The following SORCS1 variants were observed in gnomAD, a reference collection of about 807,000 sequenced individuals.
SORCS1 encodes sortilin related VPS10 domain containing receptor 1.
In SORCS1, 60 loss-of-function variants were observed where a neutral mutation model predicts 146.1. The ratio of observed to expected loss-of-function variants is 0.41; its 90% CI spans 0.33 to 0.51. The LOEUF is 0.51. Among genes scored for constraint, SORCS1 ranks in the 20% least tolerant of loss-of-function variants. The pLI is 0.21. For missense variants in SORCS1, 1,352 were observed against 1,487.6 expected (o/e 0.91, Z 1.50); for synonymous variants, 637 against 584.0 (o/e 1.09, Z -1.31).
chr10:106,819,337 T>A (rs1411515321), intron 3 of SORCS1, among the ~76,000 whole-genome samples: 1 of 152,206 alleles, frequency 6.6e-6, no homozygotes, highest in African/African-American at 2.4e-5. Context: ...TTATGTAGCT[T>A]AGCTGGAATT....
chr10:106,808,139 C>T (rs77862048), intron 3 of SORCS1, among the ~76,000 whole-genome samples: 1 of 152,354 alleles, frequency 6.6e-6, no homozygotes, highest in African/African-American at 2.4e-5. Context: ...CCTGCCTCGG[C>T]CTCCCGAGTA....
the SORCS1 span, among the ~76,000 whole-genome samples, chr10:107,176,575 AG>A: frequency 1.3e-5 from 2 of 152,064 alleles, no homozygotes; most frequent in African/African-American, 4.8e-5. Flanking sequence ...CCTGGTCTCA[AG>A]CGATCCTCCC....
rs765355110 is a variant in SORCS1 at position 106,944,874 on chromosome 10, C to CTTTTTTTTT, written c.626+11630_626+11638dup. On this transcript the variant is annotated intron_variant, in intron 2 of 25. Coordinates refer to ENST00000263054, the MANE Select transcript of SORCS1 (RefSeq NM_052918.5). ...GTAGAAAGAAGCAAGAAAGAGCCTTCTTTTTTTTTTTTTTTTTTTTTTTTT... is the reference window on the plus strand; with the variant it reads ...GTAGAAAGAAGCAAGAAAGAGCCTTCTTTTTTTTTTTTTTTTTTTTTTTTTTTTTTTTTT... Among the ~76,000 whole-genome samples, 45 of 36,602 alleles carry CTTTTTTTTT rather than the reference C, an allele frequency of 1.2e-3. 9 individuals are homozygous for CTTTTTTTTT. Among genetic ancestry groups the CTTTTTTTTT allele is most frequent in the Admixed American group, 3.2e-3 (7 of 2,206 alleles). 24.0% of individuals were successfully genotyped at this position (36,602 alleles called of 152,430 possible). A position where few individuals can be genotyped will look rare whatever the true frequency, so the allele number is the denominator to read the frequency against.
chr10:106,878,145 C>T (rs56962328), intron 2 of SORCS1, among the ~76,000 whole-genome samples: 6,377 of 148,844 alleles, frequency 0.043, 442 homozygotes, highest in African/African-American at 0.15. Context: ...TTTTTATGAG[C>T]GGACCAAGAG....
At chr10:107,170,225 G>A in the SORCS1 span, among the ~76,000 whole-genome samples, 1 of 152,064 alleles carries the variant, frequency 6.6e-6, no homozygotes, top group South Asian at 2.1e-4. Context: ...ATATAAAAAG[G>A]CTTTGATGTA....
chr10:106,785,922 T>C (rs1946034115), intron 3 of SORCS1, among the ~76,000 whole-genome samples: 1 of 152,178 alleles, frequency 6.6e-6, no homozygotes, highest in African/African-American at 2.4e-5. Flanking sequence ...TCATCTCAAG[T>C]TGTTGATGAG....
intron 3 of SORCS1, among the ~76,000 whole-genome samples, chr10:106,823,566 C>T (rs1158185981): frequency 6.6e-6 from 1 of 152,182 alleles, no homozygotes; most frequent in African/African-American, 2.4e-5. Flanking sequence ...ATACCAAAAT[C>T]CTATGCTCGG....
At chr10:106,955,027 G>A (rs781196433) in intron 2 of SORCS1, among the ~76,000 whole-genome samples, 87 of 152,374 alleles carry the variant, frequency 5.7e-4, no homozygotes, top group Non-Finnish European at 1.0e-3. Context: ...TAGCAGTGGC[G>A]CTGGGCCAGC....
chr10:107,045,619 T>C (rs1959306732), intron 1 of SORCS1, among the ~76,000 whole-genome samples: 2 of 152,134 alleles, frequency 1.3e-5, no homozygotes, highest in Admixed American at 6.5e-5. Context: ...GTTTGCAGAA[T>C]GCCTAAGGCA....
chr10:106,614,356 T>C (rs1847209533), intron 21 of SORCS1, among the ~76,000 whole-genome samples: 1 of 152,212 alleles, frequency 6.6e-6, no homozygotes, highest in Non-Finnish European at 1.5e-5. Context: ...ACTTGTACAT[T>C]TCCTAACAAT....
At chr10:107,014,840 A>G (rs7911149) in intron 1 of SORCS1, among the ~76,000 whole-genome samples, 73,293 of 152,116 alleles carry the variant, frequency 0.48, 19,671 homozygotes, top group African/African-American at 0.74. Flanking sequence ...GATGAGTTTG[A>G]ATATGTACAT....
At position 106,679,735 on chromosome 10, in the gene SORCS1, C is replaced by T; in HGVS notation, c.1561-1G>A. On this transcript the variant is annotated splice_acceptor_variant, in intron 10 of 25. Coordinates refer to ENST00000263054, the MANE Select transcript of SORCS1 (RefSeq NM_052918.5). LOFTEE classifies it high-confidence loss of function. Reference sequence around the variant, plus strand: ...GGTGAAGGTGTAGTGAGCAATAGGGCTGAAAAGAGAAATAATAAGTGCCAC... The same window carrying T: ...GGTGAAGGTGTAGTGAGCAATAGGGTTGAAAAGAGAAATAATAAGTGCCAC... 6.2e-7 allele frequency: 1 copy of T among 1,604,456 alleles called. No homozygotes were observed. Among genetic ancestry groups the T allele is most frequent in the Non-Finnish European group, 8.5e-7 (1 of 1,173,860 alleles).
At chr10:106,989,104 C>CA (rs111258873) in intron 1 of SORCS1, among the ~76,000 whole-genome samples, 412 of 109,334 alleles carry the variant, frequency 3.8e-3, no homozygotes, top group Middle Eastern at 9.6e-3. Context: ...ACTAAAAATA[C>CA]AAAAAAAAAA....
At chr10:106,765,022 CAAAAA>C (rs10582038) in intron 4 of SORCS1, among the ~76,000 whole-genome samples, 2 of 73,276 alleles carry the variant, frequency 2.7e-5, no homozygotes, top group Non-Finnish European at 2.6e-5. Context: ...GACACTGTCT[CAAAAA>C]AAAAAAAAAA....
At position 106,612,055 on chromosome 10, in the gene SORCS1, A is replaced by G. The variant is rs370145400; in HGVS notation, c.2921-32T>C. 31 of 1,498,284 alleles carry G rather than the reference A, an allele frequency of 2.1e-5. No homozygotes were observed. The African/African-American group carries it at 4.0e-4, about 19-fold the overall frequency. The allele number at this position is 1,498,284 out of a possible 1,614,324, so 92.8% of individuals were successfully genotyped here. ...ATATAACAGTAGATGGAGTACTATA[A>G]GTCAAATAGTCCTGTCAAGAGGTTT... On this transcript the variant is annotated intron_variant, in intron 21 of 25. Coordinates refer to ENST00000263054, the MANE Select transcript of SORCS1 (RefSeq NM_052918.5).
intron 6 of SORCS1, among the ~76,000 whole-genome samples, chr10:106,720,095 T>C (rs1230715029): frequency 3.9e-5 from 6 of 152,218 alleles, no homozygotes; most frequent in Non-Finnish European, 8.8e-5. Context: ...TACTCTGTTT[T>C]TCTCACACAT....
At chr10:107,147,263 C>G (rs1481042867) in intron 1 of SORCS1, among the ~76,000 whole-genome samples, 5 of 152,184 alleles carry the variant, frequency 3.3e-5, no homozygotes, top group Non-Finnish European at 5.9e-5. Context: ...CGTTCTTGCC[C>G]TGCTGAGACT....
intron 9 of SORCS1, among the ~76,000 whole-genome samples, chr10:106,690,759 T>C (rs1349393672): frequency 6.6e-6 from 1 of 152,198 alleles, no homozygotes; most frequent in East Asian, 1.9e-4. Flanking sequence ...TTTTATTTTG[T>C]TGTTTTCTTT....
chr10:107,103,971 A>G (rs181758517), intron 1 of SORCS1, among the ~76,000 whole-genome samples: 1 of 152,342 alleles, frequency 6.6e-6, no homozygotes, highest in African/African-American at 2.4e-5. Context: ...GATTGCACTC[A>G]TGGTTTTTCT....
Sources: gnomAD v4.1 joint callset for allele counts (sites outside exome capture counted in the v4.1 genomes callset) on GRCh38, gnomAD v4.1.1 for gene constraint, MANE v1.5 for transcripts, NCBI Gene and HGNC (gene_info 2026-07-23, HGNC 2026-07-21) for gene names.